The following CDH7 variants were observed in gnomAD, a reference collection of about 807,000 sequenced individuals.
CDH7 encodes the protein cadherin 7.
A neutral mutation model predicts 71.8 loss-of-function variants in CDH7; 25 were observed. That is an observed-to-expected ratio of 0.35 (90% CI 0.25 to 0.49). The LOEUF is 0.49. Ranked by LOEUF, CDH7 falls within the 20% of genes least tolerant of loss-of-function variation. CDH7 has a pLI of 0.99. For missense variants in CDH7, 862 were observed against 974.6 expected, an observed-to-expected ratio of 0.88 and a Z score of 1.54; for synonymous variants, 381 against 363.8, an observed-to-expected ratio of 1.05 and a Z score of -0.54.
At chr18:65,863,447 C>T (rs1913650128) in intron 11 of CDH7, 1 of 161,640 alleles carries the variant, frequency 6.2e-6, no homozygotes, top group South Asian at 1.6e-4. Flanking sequence ...TTCAAAGCAA[C>T]AGTGAAGATA....
At chr18:65,879,420 A>G (rs1180862498) in intron 11 of CDH7, among the ~76,000 whole-genome samples, 1 of 152,198 alleles carries the variant, frequency 6.6e-6, no homozygotes, top group Non-Finnish European at 1.5e-5. Context: ...TTTGTAGATG[A>G]ATAAAGGTAA....
chr18:65,860,631 C>T (rs1266900502), intron 10 of CDH7, among the ~76,000 whole-genome samples: 1 of 152,012 alleles, frequency 6.6e-6, no homozygotes, highest in Admixed American at 6.6e-5. Flanking sequence ...GAATAGTACC[C>T]CCCAACAGCA....
chr18:65,862,655 C>T lies in CDH7; in HGVS notation c.1613-11C>T, dbSNP rs1913607921. The stretch of plus-strand genomic sequence containing the variant: ...AAATCTGGTGTTATACATTTGCTTT[C>T]GTTATCCTAGACAACACAGCCTCAA... On this transcript the variant is annotated splice_polypyrimidine_tract_variant and intron_variant, in intron 10 of 11. Transcript: ENST00000397968. 3.1e-6 allele frequency: 5 copies of T among 1,611,808 alleles called. No individual in the cohort carries two copies. Among genetic ancestry groups the T allele is most frequent in the Admixed American group, 1.7e-5 (1 of 59,906 alleles).
intron 2 of CDH7, among the ~76,000 whole-genome samples, chr18:65,781,314 C>T (rs1910177675): frequency 6.6e-6 from 1 of 152,050 alleles, no homozygotes; most frequent in African/African-American, 2.4e-5. Context: ...TTTATGTCAA[C>T]CACATTTGGC....
chr18:65,765,538 TAGA>T (rs886930711), intron 2 of CDH7, among the ~76,000 whole-genome samples: 2 of 151,870 alleles, frequency 1.3e-5, no homozygotes, highest in African/African-American at 4.8e-5. Flanking sequence ...ATAAAAATTA[TAGA>T]AGAAGATGTG....
At chr18:65,826,706 G>A (rs1246137389) in intron 6 of CDH7, among the ~76,000 whole-genome samples, 1 of 151,286 alleles carries the variant, frequency 6.6e-6, no homozygotes, top group Non-Finnish European at 1.5e-5. Flanking sequence ...TAATTGAAAT[G>A]TTGTTAAATA....
chr18:65,813,660 G>T (rs1331877147), intron 3 of CDH7, among the ~76,000 whole-genome samples: 2 of 151,752 alleles, frequency 1.3e-5, no homozygotes, highest in East Asian at 3.9e-4. Context: ...CTAAATAATA[G>T]TATATAACTA....
intron 6 of CDH7, among the ~76,000 whole-genome samples, chr18:65,827,430 G>C (rs1912173398): frequency 6.6e-6 from 1 of 151,768 alleles, no homozygotes; most frequent in Non-Finnish European, 1.5e-5. Flanking sequence ...AATTACTATG[G>C]AGAACCAAAC....
At chr18:65,790,045 T>C (rs1233155522) in intron 2 of CDH7, among the ~76,000 whole-genome samples, 3 of 151,240 alleles carry the variant, frequency 2.0e-5, no homozygotes, top group Non-Finnish European at 4.4e-5. Context: ...CTGGCTAACA[T>C]GGTAAAACCC....
At chr18:65,873,557 A>G (rs562373160) in intron 11 of CDH7, among the ~76,000 whole-genome samples, 13 of 152,336 alleles carry the variant, frequency 8.5e-5, no homozygotes, top group African/African-American at 3.1e-4. Flanking sequence ...TACTTTTTTA[A>G]AAAGAGAAAC....
Position 65,789,089 on chromosome 18 carries a change from T to A in CDH7, c.211-20615T>A, listed in dbSNP as rs147180031. On this transcript the variant is annotated intron_variant, in intron 2 of 11. Coordinates refer to ENST00000397968, the MANE Select transcript of CDH7 (RefSeq NM_004361.5). The stretch of plus-strand genomic sequence containing the variant: ...TTAAATATGCAAAGAAATATTCTTG[T>A]CCTTCCTGCAGATTGTAATATGAGG... Among the ~76,000 whole-genome samples, 303 of 152,360 alleles carry A rather than the reference T, an allele frequency of 2.0e-3. 2 individuals carry two copies. The highest frequency in any genetic ancestry group is 0.01 in the Middle Eastern group (3 of 294).
intron 2 of CDH7, among the ~76,000 whole-genome samples, chr18:65,802,141 G>A (rs1193398762): frequency 6.6e-6 from 1 of 152,176 alleles, no homozygotes; most frequent in African/African-American, 2.4e-5. Context: ...TTCATGTAGG[G>A]TTTTTATTCA....
At chr18:65,820,743 A>G (rs1018059017) in intron 4 of CDH7, among the ~76,000 whole-genome samples, 3 of 152,188 alleles carry the variant, frequency 2.0e-5, no homozygotes, top group African/African-American at 7.2e-5. Context: ...TGTGAAAAAT[A>G]AGTGAGAAAC....
chr18:65,869,278 A>G (rs1359758056), intron 11 of CDH7, among the ~76,000 whole-genome samples: 2 of 151,520 alleles, frequency 1.3e-5, no homozygotes, highest in African/African-American at 2.4e-5. Context: ...ATCAGAACCA[A>G]TCCGTCAGTA....
intron 2 of CDH7, among the ~76,000 whole-genome samples, chr18:65,789,557 C>CA: frequency 6.6e-6 from 1 of 151,894 alleles, no homozygotes; most frequent in East Asian, 1.9e-4. Context: ...CTGTTACAGT[C>CA]AAAGTCTGTA....
chr18:65,786,119 A>C (rs1432839954), intron 2 of CDH7, among the ~76,000 whole-genome samples: 1 of 152,118 alleles, frequency 6.6e-6, no homozygotes, highest in Non-Finnish European at 1.5e-5. Flanking sequence ...ATAACAATGA[A>C]ATTTTTACCG....
chr18:65,779,239 A>G (rs1910084870), intron 2 of CDH7, among the ~76,000 whole-genome samples: 5 of 143,700 alleles, frequency 3.5e-5, no homozygotes, highest in African/African-American at 1.0e-4. Context: ...AGCTGGAGCC[A>G]TAAGAATAGA....
chr18:65,822,505 T>G (rs1054186981), intron 5 of CDH7, among the ~76,000 whole-genome samples: 3 of 152,090 alleles, frequency 2.0e-5, no homozygotes, highest in Non-Finnish European at 2.9e-5. Context: ...TTCATTCACA[T>G]TTTGAATACT....
chr18:65,799,837 AT>A (rs1345499629), intron 2 of CDH7, among the ~76,000 whole-genome samples: 1 of 152,094 alleles, frequency 6.6e-6, no homozygotes, highest in Non-Finnish European at 1.5e-5. Flanking sequence ...CAAAAAGGAA[AT>A]TGTTTGCCCT....
Sources: gnomAD v4.1 joint callset for allele counts (sites outside exome capture counted in the v4.1 genomes callset) on GRCh38, gnomAD v4.1.1 for gene constraint, MANE v1.5 for transcripts, NCBI Gene and HGNC (gene_info 2026-07-23, HGNC 2026-07-21) for gene names.